UMAD1: variants seen among roughly 807,000 people sequenced by gnomAD.
UMAD1 encodes UBAP1-MVB12-associated (UMA) domain containing 1.
UMAD1 carries 8 observed loss-of-function variants against 6.1 expected under a neutral mutation model. The ratio of observed to expected loss-of-function variants is 1.30; its 90% confidence interval spans 0.76 to 2.35. UMAD1 has a LOEUF of 2.35. Among genes scored for constraint, UMAD1 ranks in the 30% most tolerant of loss-of-function variants. UMAD1 has a pLI of 0.00. For missense variants in UMAD1, 130 were observed against 78.4 expected (o/e 1.66, Z -2.49); for synonymous variants, 56 against 31.4 (o/e 1.78, Z -2.61).
At chr7:7,871,846 C>CAAAA (rs3075743) in intron 3 of UMAD1, among the ~76,000 whole-genome samples, 1 of 145,492 alleles carries the variant, frequency 6.9e-6, no homozygotes, top group African/African-American at 2.5e-5. Context: ...AGAGAATTGT[C>CAAAA]AAAAAAAAAA....
At chr7:7,788,074 T>C (rs537115403) in intron 2 of UMAD1, among the ~76,000 whole-genome samples, 2 of 152,330 alleles carry the variant, frequency 1.3e-5, no homozygotes, top group Non-Finnish European at 2.9e-5. Context: ...GCCAGTCACT[T>C]TACCAGATGC....
At chr7:7,780,899 ATAAT>A (rs1563200577) in intron 2 of UMAD1, among the ~76,000 whole-genome samples, 4 of 152,174 alleles carry the variant, frequency 2.6e-5, no homozygotes, top group South Asian at 2.1e-4. Context: ...CATTGTAGGG[ATAAT>A]TAATTAACTT....
At chr7:7,765,101 C>G (rs866392532) in intron 2 of UMAD1, among the ~76,000 whole-genome samples, 2 of 151,548 alleles carry the variant, frequency 1.3e-5, no homozygotes, top group Middle Eastern at 3.4e-3. Context: ...TTAGTCTTCC[C>G]TTCCCAAATC....
intron 2 of UMAD1, among the ~76,000 whole-genome samples, chr7:7,771,137 T>TC (rs1583812925): frequency 6.6e-6 from 1 of 151,550 alleles, no homozygotes; most frequent in East Asian, 1.9e-4. Context: ...TTTTTTTTTT[T>TC]CTTGGAACGC....
intron 3 of UMAD1, among the ~76,000 whole-genome samples, chr7:7,813,258 C>G (rs1783058516): frequency 6.6e-6 from 1 of 152,104 alleles, no homozygotes; most frequent in South Asian, 2.1e-4. Flanking sequence ...CTCTGTCGCC[C>G]AGGCTGGACA....
chr7:7,795,989 A>G (rs1330497604), intron 2 of UMAD1, among the ~76,000 whole-genome samples: 1 of 152,030 alleles, frequency 6.6e-6, no homozygotes, highest in Non-Finnish European at 1.5e-5. Context: ...TCCAGATCCT[A>G]TTCAAGATAG....
In UMAD1 at chr7:7,673,358, CA is replaced by C. The variant is rs1457300129; in HGVS notation, c.-13del. ...GCAGCAGCAGCAGCAGCAGCAGCAG[CA>C]GCAGCAGCAGCAATGTTTCACTTCT... On this transcript the variant is annotated 5_prime_UTR_variant, in exon 2 of 4. Transcript: ENST00000682710. The C allele has an allele frequency of 1.3e-5, 17 of 1,276,520 alleles. No individual in the cohort carries two copies. The highest frequency in any genetic ancestry group is 2.0e-5 in the Admixed American group (1 of 49,934). The allele number at this position is 1,276,520 out of a possible 1,614,324, so 79.1% of individuals were successfully genotyped here.
At chr7:7,832,930 G>T (rs1195728889) in intron 3 of UMAD1, among the ~76,000 whole-genome samples, 2 of 150,772 alleles carry the variant, frequency 1.3e-5, no homozygotes, top group East Asian at 1.9e-4. Context: ...TCATAGACAG[G>T]GGGGAACGTT....
chr7:7,869,356 C>A (rs6954739), intron 3 of UMAD1, among the ~76,000 whole-genome samples: 94,838 of 152,092 alleles, frequency 0.62, 29,908 homozygotes, highest in Admixed American at 0.68. Flanking sequence ...TATTTATAGA[C>A]ATTAGAATTT....
intron 2 of UMAD1, among the ~76,000 whole-genome samples, chr7:7,766,230 A>T (rs899619431): frequency 1.3e-5 from 2 of 152,228 alleles, no homozygotes; most frequent in Non-Finnish European, 2.9e-5. Flanking sequence ...ATCAATTTTT[A>T]AAAATATATT....
At chr7:7,692,020 A>G (rs1780184138) in intron 2 of UMAD1, among the ~76,000 whole-genome samples, 1 of 152,198 alleles carries the variant, frequency 6.6e-6, no homozygotes, top group African/African-American at 2.4e-5. Context: ...ATTGAGAAAA[A>G]ACTAAGCTTC....
At chr7:7,795,752 G>T (rs1782663557) in intron 2 of UMAD1, among the ~76,000 whole-genome samples, 1 of 152,154 alleles carries the variant, frequency 6.6e-6, no homozygotes, top group Admixed American at 6.5e-5. Flanking sequence ...GACGTTGGTG[G>T]GAGTATTGTT....
chr7:7,814,129 ACCCAACACCACG>A (rs1783079773), intron 3 of UMAD1, among the ~76,000 whole-genome samples: 1 of 151,856 alleles, frequency 6.6e-6, no homozygotes, highest in African/African-American at 2.4e-5. Flanking sequence ...GACTACAGGC[ACCCAACACCACG>A]CCCAGCTAAT....
intron 3 of UMAD1, among the ~76,000 whole-genome samples, chr7:7,826,814 A>T (rs1783350844): frequency 6.6e-6 from 1 of 152,162 alleles, no homozygotes; most frequent in African/African-American, 2.4e-5. Context: ...CCCCATCACC[A>T]TACTTACCTG....
intron 2 of UMAD1, 76 bp downstream of exon 2, chr7:7,673,529 G>T: frequency 3.1e-6 from 2 of 651,856 alleles, no homozygotes; most frequent in Non-Finnish European, 5.5e-6. Context: ...TTATATGATT[G>T]ATTTTAAATT....
At chr7:7,745,598 G>T (rs1458153424) in intron 2 of UMAD1, among the ~76,000 whole-genome samples, 1 of 152,200 alleles carries the variant, frequency 6.6e-6, no homozygotes, top group Admixed American at 6.5e-5. Flanking sequence ...TTATAGTCTA[G>T]CGAACAGGTC....
chr7:7,871,378 A>G (rs1784329236), intron 3 of UMAD1, among the ~76,000 whole-genome samples: 2 of 152,232 alleles, frequency 1.3e-5, no homozygotes, highest in Admixed American at 6.5e-5. Flanking sequence ...ATCTTGGAAT[A>G]TAGAGCTTTA....
intron 2 of UMAD1, chr7:7,736,255 G>A (rs62432616): frequency 0.12 from 17,837 of 152,334 alleles, 1,124 homozygotes; most frequent in African/African-American, 0.16. Flanking sequence ...TGCTGGTCAG[G>A]CCTTCTTCCT....
intron 2 of UMAD1, among the ~76,000 whole-genome samples, chr7:7,762,665 A>G (rs1474330956): frequency 6.6e-6 from 1 of 152,202 alleles, no homozygotes; most frequent in African/African-American, 2.4e-5. Context: ...GGCGATGACA[A>G]GGATCATAAT....
Sources: allele counts gnomAD v4.1 joint callset (sites outside exome capture counted in the v4.1 genomes callset), GRCh38; gene constraint gnomAD v4.1.1; transcripts MANE v1.5; gene names NCBI Gene and HGNC (gene_info 2026-07-23, HGNC 2026-07-21).